STK31: variants seen among roughly 807,000 people sequenced by gnomAD.
STK31 encodes the protein serine/threonine kinase 31, also known as serine/threonine-protein kinase 31.
A neutral mutation model predicts 129.7 loss-of-function variants in STK31; 89 were observed. The observed-to-expected ratio is 0.69, with a 90% CI of 0.58 to 0.82. The LOEUF (loss-of-function observed/expected upper bound fraction) is 0.82. STK31 is among the 40% of genes least tolerant of loss of function. STK31 has a pLI of 0.00. For synonymous variants in STK31, 448 were observed against 395.3 expected, an observed-to-expected ratio of 1.13 and a Z score of -1.58; for missense variants, 1,187 against 1,176.4, an observed-to-expected ratio of 1.01 and a Z score of -0.13.
At chr7:23,769,848 T>A in intron 13 of STK31, 92 bp downstream of exon 13, 1 of 797,672 alleles carries the variant, frequency 1.3e-6, no homozygotes, top group Non-Finnish European at 2.0e-6. Context: ...AGAGTTTTTC[T>A]TGCTAGTTAG....
In STK31 at chr7:23,727,230, T is replaced by A; in HGVS notation, c.250-11T>A. 1 of 1,613,058 alleles carries A rather than the reference T, an allele frequency of 6.2e-7. No homozygotes were observed. Among genetic ancestry groups the A allele is most frequent in the South Asian group, 1.1e-5 (1 of 91,022 alleles). On this transcript the variant is annotated splice_polypyrimidine_tract_variant and intron_variant, in intron 4 of 23. Transcript: ENST00000355870. ...AATGCCAAGTAATTTTGCTTTCTTT[T>A]CTCTTTGTAGATTTATGGTGGATTA...
At chr7:23,712,562 T>C (rs1454784861) in intron 3 of STK31, among the ~76,000 whole-genome samples, 1 of 152,244 alleles carries the variant, frequency 6.6e-6, no homozygotes, top group Non-Finnish European at 1.5e-5. Flanking sequence ...AATTCTAGGC[T>C]GCTTTTGCTG....
In STK31 at chr7:23,749,473, A is replaced by T. The variant is rs757406426; in HGVS notation, c.1018-3244A>T. ...TCCTCCCACCTCAGCCTCCTGAGTA[A>T]CTGGGACTACAGGTGTGCACCACCA... On this transcript the variant is annotated intron_variant, in intron 8 of 23. Transcript: ENST00000355870. Among the ~76,000 whole-genome samples the T allele has an allele frequency of 2.3e-4, 34 of 148,900 alleles. 1 individual carries two copies. Among genetic ancestry groups the T allele is most frequent in the Non-Finnish European group, 4.2e-4 (28 of 67,360 alleles).
chr7:23,790,889 G>A lies in STK31; in HGVS notation c.2703G>A (p.Met901Ile), dbSNP rs760547898. 1.9e-6 allele frequency: 3 copies of A among 1,608,840 alleles called. No homozygotes were observed. Among genetic ancestry groups the A allele is most frequent in the South Asian group, 2.2e-5 (2 of 90,194 alleles). Reference protein sequence around the residue: ...DLSLMSPELKMGKPASPGSDL... With the variant: ...DLSLMSPELKIGKPASPGSDL... ...GTTTGATGTCACCTGAGTTGAAAATGGGAAAACCTGCTTCTCCAGGTTCAG... is the reference window on the plus strand; with the variant it reads ...GTTTGATGTCACCTGAGTTGAAAATAGGAAAACCTGCTTCTCCAGGTTCAG... Residue 901 changes from methionine (M) to isoleucine (I), a missense_variant, in exon 22 of 24, where the codon ATG becomes ATA. Met to Ile is a conservative substitution (Grantham distance 10). Around this residue, in one of 5 missense-constraint regions of STK31, gnomAD observed 975 missense variants for 934.9 expected, o/e 1.04. Transcript: ENST00000355870.
At chr7:23,798,327 T>C (rs1033882920) in intron 22 of STK31, among the ~76,000 whole-genome samples, 6 of 152,122 alleles carry the variant, frequency 3.9e-5, no homozygotes, top group African/African-American at 9.7e-5. Context: ...ATATCCCTGA[T>C]GAACATTGAT....
rs773137851 is a variant in STK31, at chr7:23,727,213, G to C, written c.250-28G>C. 18 of 1,599,100 alleles carry C rather than the reference G, an allele frequency of 1.1e-5. No homozygotes were observed. In the Admixed American group the frequency reaches 1.7e-4, roughly 15 times the overall value. ...CTGTTCACCATGCTTTAAATGCCAA[G>C]TAATTTTGCTTTCTTTTCTCTTTGT... On this transcript the variant is annotated intron_variant, in intron 4 of 23. Transcript: ENST00000355870.
intron 8 of STK31, among the ~76,000 whole-genome samples, chr7:23,744,704 G>T (rs1236147221): frequency 1.3e-5 from 2 of 152,146 alleles, no homozygotes; most frequent in Admixed American, 6.5e-5. Context: ...GATTCCTTTG[G>T]ATGTGAATAG....
intron 3 of STK31, among the ~76,000 whole-genome samples, chr7:23,713,296 G>C (rs1412499446): frequency 6.6e-6 from 1 of 152,096 alleles, no homozygotes; most frequent in East Asian, 1.9e-4. Context: ...TATTATAAAA[G>C]ATTAAAAAGT....
At chr7:23,806,921 A>AAAAG (rs1554297034) in intron 22 of STK31, among the ~76,000 whole-genome samples, 3 of 150,970 alleles carry the variant, frequency 2.0e-5, no homozygotes, top group East Asian at 3.9e-4. Flanking sequence ...AAAAAAAAAA[A>AAAAG]AGAGAGATAC....
intron 22 of STK31, among the ~76,000 whole-genome samples, chr7:23,795,574 A>C (rs1286724742): frequency 6.6e-6 from 1 of 152,190 alleles, no homozygotes; most frequent in Non-Finnish European, 1.5e-5. Flanking sequence ...CAGACCCCAG[A>C]ATGGTAGATC....
chr7:23,829,146 C>T (rs765344780), intron 23 of STK31, among the ~76,000 whole-genome samples: 6 of 151,658 alleles, frequency 4.0e-5, no homozygotes, highest in Admixed American at 6.6e-5. Context: ...CCTGACCTCA[C>T]GTGATGTGCC....
At chr7:23,711,891 G>T (rs1373518178) in intron 1 of STK31, among the ~76,000 whole-genome samples, 1 of 152,104 alleles carries the variant, frequency 6.6e-6, no homozygotes, top group African/African-American at 2.4e-5. Flanking sequence ...TAAGGATAGA[G>T]ATTATATATG....
intron 17 of STK31, among the ~76,000 whole-genome samples, chr7:23,784,479 G>A (rs1194492706): frequency 1.3e-5 from 2 of 151,976 alleles, no homozygotes; most frequent in Admixed American, 6.6e-5. Flanking sequence ...TGCAGTGTGG[G>A]CAAATAAGTA....
intron 8 of STK31, among the ~76,000 whole-genome samples, chr7:23,740,554 T>C (rs1787997834): frequency 6.6e-6 from 1 of 152,130 alleles, no homozygotes; most frequent in South Asian, 2.1e-4. Context: ...TGCAGGTTTG[T>C]TACATACGTA....
rs922159184 is a variant in STK31, at chr7:23,792,328, CAA to C, written c.2760+1384_2760+1385del. Among the ~76,000 whole-genome samples, 77 of 151,946 alleles carry C rather than the reference CAA, an allele frequency of 5.1e-4. 2 individuals are homozygous for C. In the East Asian group the frequency reaches 0.014, roughly 29 times the overall value. On this transcript the variant is annotated intron_variant, in intron 22 of 23. Coordinates refer to ENST00000355870, the MANE Select transcript of STK31 (RefSeq NM_031414.5). ...TATAATTGTGTTTTTATATAAGCAA[CAA>C]ATAATAGGAAATTAAAATTTAAAAA... is the stretch of plus-strand genomic sequence containing the variant.
chr7:23,815,265 C>CT, intron 23 of STK31, 53 bp downstream of exon 23: 3 of 1,196,236 alleles, frequency 2.5e-6, no homozygotes, highest in Non-Finnish European at 3.5e-6. Context: ...GTAATATAAA[C>CT]TTAGATATCT....
chr7:23,803,821 A>G (rs1165408469), intron 22 of STK31, among the ~76,000 whole-genome samples: 1 of 152,108 alleles, frequency 6.6e-6, no homozygotes, highest in African/African-American at 2.4e-5. Flanking sequence ...AACACAGAGT[A>G]TTTGGTTTTC....
chr7:23,732,018 G>C (rs1787461987), intron 6 of STK31, among the ~76,000 whole-genome samples: 1 of 152,134 alleles, frequency 6.6e-6, no homozygotes, highest in Non-Finnish European at 1.5e-5. Context: ...ATTTTAAAAA[G>C]TTAAGTTTTG....
chr7:23,731,308 G>T (rs185081949), intron 6 of STK31, among the ~76,000 whole-genome samples: 10 of 152,242 alleles, frequency 6.6e-5, no homozygotes, highest in Admixed American at 1.3e-4. Context: ...TCCGTGTTTA[G>T]TTATTAATTC....
Sources: allele counts gnomAD v4.1 joint callset (sites outside exome capture counted in the v4.1 genomes callset), GRCh38; gene constraint gnomAD v4.1.1; regional missense constraint gnomAD v4.1.1; transcripts MANE v1.5; gene names NCBI Gene and HGNC (gene_info 2026-07-23, HGNC 2026-07-21).